Variants in SLC2A9 observed in about 807,000 individuals in gnomAD.
SLC2A9 encodes the protein solute carrier family 2 member 9, also known as solute carrier family 2, facilitated glucose transporter member 9.
A neutral mutation model predicts 50.6 loss-of-function variants in SLC2A9; 39 were observed. The observed-to-expected ratio is 0.77, with a 90% CI of 0.60 to 1.01. The LOEUF (loss-of-function observed/expected upper bound fraction) is 1.01. Among genes scored for constraint, SLC2A9 ranks in the 50% least tolerant of loss-of-function variants. The pLI is 0.00. For missense variants in SLC2A9, 686 were observed against 677.6 expected (o/e 1.01, Z -0.14); for synonymous variants, 324 against 276.9 (o/e 1.17, Z -1.69).
At chr4:9,934,476 T>A (rs1746702133) in intron 6 of SLC2A9, among the ~76,000 whole-genome samples, 1 of 152,212 alleles carries the variant, frequency 6.6e-6, no homozygotes, top group South Asian at 2.1e-4. Flanking sequence ...ACAAGAATCC[T>A]CACTGTTCTT....
chr4:9,798,901 G>C (rs1720944412), downstream of SLC2A9: 1 of 152,224 alleles, frequency 6.6e-6, no homozygotes, highest in Admixed American at 6.5e-5. Context: ...GATGATTAGA[G>C]ATAAAGTGTA....
At chr4:10,032,319 G>A (rs905476750) in intron 1 of SLC2A9, among the ~76,000 whole-genome samples, 3 of 152,176 alleles carry the variant, frequency 2.0e-5, no homozygotes, top group Admixed American at 2.0e-4. Context: ...CCAGGCAGAA[G>A]GAGCAGCAAG....
intron 8 of SLC2A9, among the ~76,000 whole-genome samples, chr4:9,907,760 A>G (rs908899648): frequency 6.6e-6 from 1 of 152,244 alleles, no homozygotes; most frequent in Non-Finnish European, 1.5e-5. Context: ...AAGGAAGATG[A>G]CAGGGAAGCA....
upstream of SLC2A9, among the ~76,000 whole-genome samples, chr4:10,023,317 C>T (rs958974886): frequency 1.3e-5 from 2 of 152,294 alleles, no homozygotes; most frequent in Admixed American, 1.3e-4. Context: ...CAGCTGCATC[C>T]CTGTGCATGG....
In SLC2A9 at chr4:9,942,054, G is replaced by A; in HGVS notation, c.682-9C>T. On this transcript the variant is annotated splice_polypyrimidine_tract_variant and intron_variant, in intron 5 of 11. Transcript: ENST00000264784. ...TATGGCCAGGTACTCTCCTGTGGGA[G>A]AAGGAGATGCTGCTGAGTGCAGTGG... The A allele has an allele frequency of 6.2e-7, 1 of 1,613,954 alleles. No homozygotes were observed. The highest frequency in any genetic ancestry group is 1.1e-5 in the South Asian group (1 of 91,076).
At chr4:9,772,103 T>G (rs1716902334) in intron 1 of SLC2A9, among the ~76,000 whole-genome samples, 1 of 152,168 alleles carries the variant, frequency 6.6e-6, no homozygotes, top group African/African-American at 2.4e-5. Context: ...ACACTGTGGT[T>G]GTGTTTTAGG....
intron 10 of SLC2A9, among the ~76,000 whole-genome samples, chr4:9,848,050 C>T (rs1729257455): frequency 6.6e-6 from 1 of 152,076 alleles, no homozygotes; most frequent in African/African-American, 2.4e-5. Flanking sequence ...AGTGAGACTC[C>T]CAGTGTTTCA....
intron 5 of SLC2A9, among the ~76,000 whole-genome samples, chr4:9,958,503 C>T (rs1173310878): frequency 6.6e-6 from 1 of 152,020 alleles, no homozygotes; most frequent in Non-Finnish European, 1.5e-5. Context: ...GAGGTGAGGC[C>T]TAAGGGAGAA....
downstream of SLC2A9, among the ~76,000 whole-genome samples, chr4:9,775,265 C>T (rs879339152): frequency 1.1e-4 from 17 of 152,282 alleles, no homozygotes; most frequent in Middle Eastern, 3.4e-3. Flanking sequence ...TGGGGCCCAA[C>T]GGGGAGACTC....
intron 11 of SLC2A9, among the ~76,000 whole-genome samples, chr4:9,829,617 A>G (rs904180287): frequency 6.6e-6 from 1 of 152,176 alleles, no homozygotes; most frequent in Non-Finnish European, 1.5e-5. Flanking sequence ...CAATCTATCC[A>G]TCTGACAGAG....
At chr4:9,815,055 G>T (rs1450532108) in intron 3 of SLC2A9, among the ~76,000 whole-genome samples, 1 of 152,060 alleles carries the variant, frequency 6.6e-6, no homozygotes, top group African/African-American at 2.4e-5. Context: ...GGAAGAAGAG[G>T]GTTTGAATCA....
chr4:10,030,366 T>C (rs1284187583), intron 1 of SLC2A9, among the ~76,000 whole-genome samples: 1 of 152,144 alleles, frequency 6.6e-6, no homozygotes, highest in Non-Finnish European at 1.5e-5. Flanking sequence ...ATAAATAAAA[T>C]ACTCTGTATG....
chr4:9,803,183 T>C (rs1721689816), intron 3 of SLC2A9, among the ~76,000 whole-genome samples: 1 of 152,222 alleles, frequency 6.6e-6, no homozygotes, highest in Non-Finnish European at 1.5e-5. Flanking sequence ...TTCTCATCTA[T>C]TAAATAAGGC....
upstream of SLC2A9, chr4:10,021,594 C>G: frequency 7.0e-6 from 7 of 1,001,090 alleles, no homozygotes; most frequent in South Asian, 9.9e-5. Context: ...ACATTTTTTT[C>G]TCTGCTCCTA....
intron 5 of SLC2A9, among the ~76,000 whole-genome samples, chr4:9,973,511 C>T (rs904477843): frequency 6.6e-6 from 1 of 151,984 alleles, no homozygotes; most frequent in Non-Finnish European, 1.5e-5. Context: ...CACATATACA[C>T]CATGGAATAC....
At chr4:9,948,528 G>T (rs1749622597) in intron 5 of SLC2A9, among the ~76,000 whole-genome samples, 1 of 152,210 alleles carries the variant, frequency 6.6e-6, no homozygotes, top group Non-Finnish European at 1.5e-5. Context: ...GTGGACCACA[G>T]CTGGGCCTGT....
At chr4:9,833,760 G>A (rs2109136017) in intron 11 of SLC2A9, among the ~76,000 whole-genome samples, 1 of 152,300 alleles carries the variant, frequency 6.6e-6, no homozygotes, top group South Asian at 2.1e-4. Flanking sequence ...TTGGTGAGGG[G>A]AGGAAGACAG....
intron 5 of SLC2A9, among the ~76,000 whole-genome samples, chr4:9,955,111 G>A (rs144816074): frequency 2.0e-5 from 3 of 152,138 alleles, no homozygotes; most frequent in Non-Finnish European, 2.9e-5. Flanking sequence ...CCTCCTAAGT[G>A]CTGGCAGGCC....
intron 5 of SLC2A9, among the ~76,000 whole-genome samples, chr4:9,950,268 C>G (rs1018679006): frequency 2.0e-5 from 3 of 152,158 alleles, no homozygotes; most frequent in African/African-American, 7.2e-5. Flanking sequence ...TTGTGATTAC[C>G]TCTCATTTTT....
Sources: allele counts gnomAD v4.1 joint callset (sites outside exome capture counted in the v4.1 genomes callset), GRCh38; gene constraint gnomAD v4.1.1; transcripts MANE v1.5; gene names NCBI Gene and HGNC (gene_info 2026-07-23, HGNC 2026-07-21).